Variants in PCNX4 observed in about 807,000 individuals in gnomAD.
The protein encoded by PCNX4 is pecanex 4, also known as pecanex-like protein 4.
In PCNX4, 103 loss-of-function variants were observed where a neutral mutation model predicts 107.2. The observed-to-expected ratio is 0.96, with a 90% CI of 0.82 to 1.13. The LOEUF (loss-of-function observed/expected upper bound fraction) is 1.13. Among genes scored for constraint, PCNX4 ranks in the 50% most tolerant of loss-of-function variants. The pLI, the probability that PCNX4 is intolerant of heterozygous loss-of-function variation, is 0.00. For synonymous variants in PCNX4, 541 were observed against 481.7 expected (o/e 1.12, Z -1.61); for missense variants, 1,528 against 1,379.4 (o/e 1.11, Z -1.71).
At position 60,112,201 on chromosome 14, in the gene PCNX4, ACACT is replaced by A. The variant is rs1253379943; in HGVS notation, c.690-2496_690-2493del. ...ATTAAATCTACAATGCTTAGCTCAG[ACACT>A]CAGGAATTGTTTGAATGAATGATAC... is the stretch of plus-strand genomic sequence containing the variant. On this transcript the variant is annotated intron_variant, in intron 2 of 10. Coordinates refer to ENST00000406854, the MANE Select transcript of PCNX4 (RefSeq NM_001330177.2). Among the ~76,000 whole-genome samples the A allele has an allele frequency of 2.6e-5, 4 of 152,290 alleles. No homozygotes were observed. The East Asian group carries it at 5.8e-4, about 22-fold the overall frequency.
At chr14:60,107,038 C>CT (rs1426379913) in intron 1 of PCNX4, among the ~76,000 whole-genome samples, 1 of 151,968 alleles carries the variant, frequency 6.6e-6, no homozygotes, top group African/African-American at 2.4e-5. Context: ...GAGTTAAAGT[C>CT]TAATTCCAAA....
At chr14:60,120,900 T>C (rs750358578) in intron 7 of PCNX4, among the ~76,000 whole-genome samples, 1 of 152,182 alleles carries the variant, frequency 6.6e-6, no homozygotes, top group Non-Finnish European at 1.5e-5. Context: ...TTTCCTAATA[T>C]AATTAACATG....
At chr14:60,095,844 G>GA (rs1211637252) in intron 1 of PCNX4, among the ~76,000 whole-genome samples, 2 of 151,144 alleles carry the variant, frequency 1.3e-5, no homozygotes, top group East Asian at 3.9e-4. Flanking sequence ...GAAAAAAAAA[G>GA]AAAAAATATA....
Position 60,115,044 on chromosome 14 carries a change from G to T in PCNX4, c.940G>T (p.Val314Leu). 1 of 1,613,626 alleles carries T rather than the reference G, an allele frequency of 6.2e-7. No individual in the cohort carries two copies. The highest frequency in any genetic ancestry group is 1.1e-5 in the South Asian group (1 of 91,066). The change falls in exon 4 of 11, where the codon GTG (valine) becomes TTG (leucine). Residue 314 changes from valine (V) to leucine (L), a missense_variant. Physicochemically the swap from Val to Leu is conservative, Grantham distance 32. Coordinates refer to ENST00000406854, the MANE Select transcript of PCNX4 (RefSeq NM_001330177.2). ...ASYFIPSTVG[V>L]VLFMTGFGFL... Reference sequence around the variant, plus strand: ...ATATTTCATTCCAAGCACTGTTGGTGTGGTTCTTTTCATGACTGGATTTGG... The same window carrying T: ...ATATTTCATTCCAAGCACTGTTGGTTTGGTTCTTTTCATGACTGGATTTGG...
Position 60,118,413 on chromosome 14 carries a change from A to C in PCNX4, c.1663A>C (p.Lys555Gln). 6.2e-7 allele frequency: 1 copy of C among 1,612,920 alleles called. No homozygotes were observed. Among genetic ancestry groups the C allele is most frequent in the Non-Finnish European group, 8.5e-7 (1 of 1,179,404 alleles). ...TGTGCTTTTGACATCATGGACAGAG[A>C]AAAAACAACGTCGAAAAACAACTGC... ...VTVLLTSWTE[K>Q]KQRRKTTATL... Residue 555 changes from lysine (K) to glutamine (Q), a missense_variant, in exon 7 of 11, where the codon AAA becomes CAA. Coordinates refer to ENST00000406854, the MANE Select transcript of PCNX4 (RefSeq NM_001330177.2).
At chr14:60,101,899 TA>T (rs1448078436) in intron 1 of PCNX4, among the ~76,000 whole-genome samples, 1 of 152,078 alleles carries the variant, frequency 6.6e-6, no homozygotes, top group Non-Finnish European at 1.5e-5. Flanking sequence ...TATTCAGCCT[TA>T]AAAAAAGGAA....
rs1210174321 is a variant in PCNX4 at position 60,138,920 on chromosome 14, CAGAA to C, written c.*4704_*4707del. On this transcript the variant is annotated 3_prime_UTR_variant, in exon 11 of 11. Transcript: ENST00000406854. Reference sequence around the variant, plus strand: ...GCAGGAATTCTAAGGTCAGAATTATCAGAAAGAAGATTAAAGTATAAATAAGACT... The same window carrying C: ...GCAGGAATTCTAAGGTCAGAATTATCAGAAGATTAAAGTATAAATAAGACT... 8 of 151,936 alleles carry C rather than the reference CAGAA, an allele frequency of 5.3e-5. No homozygotes were observed. Among genetic ancestry groups the C allele is most frequent in the South Asian group, 2.1e-4 (1 of 4,812 alleles). 9.4% of individuals were successfully genotyped at this position (151,936 alleles called of 1,614,324 possible).
rs944994971 is a variant in PCNX4, at chr14:60,146,858, A to G, written c.*12637A>G. 5 of 152,216 alleles carry G rather than the reference A, an allele frequency of 3.3e-5. No individual in the cohort carries two copies. Among genetic ancestry groups the G allele is most frequent in the African/African-American group, 1.2e-4 (5 of 41,450 alleles). The allele number at this position is 152,216 out of a possible 1,614,324, so 9.4% of individuals were successfully genotyped here. ...TGTGATTTCACTTCTGTGGAATCTA[A>G]AAAGTCATACTCAAAAGCAGAGTAG... On this transcript the variant is annotated 3_prime_UTR_variant, in exon 11 of 11. Coordinates refer to ENST00000406854, the MANE Select transcript of PCNX4 (RefSeq NM_001330177.2). The surrounding 1 kb of genome is among the most constrained non-coding windows in gnomAD (Gnocchi z 4.9).
Position 60,124,276 on chromosome 14 carries a change from T to C in PCNX4, c.2105T>C (p.Val702Ala), listed in dbSNP as rs1408670407. ...HTAEARRVDEVFEDAFEQEYT... is the reference protein window; with the variant it reads ...HTAEARRVDEAFEDAFEQEYT... ...GCAGAAGCTCGCAGAGTTGATGAAGTTTTTGAAGATGCTTTTGAGCAAGAA... is the reference window on the plus strand; with the variant it reads ...GCAGAAGCTCGCAGAGTTGATGAAGCTTTTGAAGATGCTTTTGAGCAAGAA... The change falls in exon 9 of 11, where the codon GTT (valine) becomes GCT (alanine). Residue 702 changes from valine (V) to alanine (A), a missense_variant. Transcript: ENST00000406854. The C allele has an allele frequency of 5.0e-6, 8 of 1,605,964 alleles. No individual in the cohort carries two copies. The East Asian group carries it at 1.6e-4, about 31-fold the overall frequency.
Position 60,146,683 on chromosome 14 carries a change from G to GTA in PCNX4, c.*12463_*12464insAT, listed in dbSNP as rs201487776. 441 of 136,320 alleles carry GTA rather than the reference G, an allele frequency of 3.2e-3. 3 individuals are homozygous for GTA. The highest frequency in any genetic ancestry group is 0.014 in the African/African-American group (423 of 30,126). The allele number at this position is 136,320 out of a possible 1,614,324, so 8.4% of individuals were successfully genotyped here. A position where few individuals can be genotyped will look rare whatever the true frequency, so the allele number is the denominator to read the frequency against. On this transcript the variant is annotated 3_prime_UTR_variant, in exon 11 of 11. Transcript: ENST00000406854. The surrounding 1 kb of genome is among the most constrained non-coding windows in gnomAD (Gnocchi z 4.9). The stretch of plus-strand genomic sequence containing the variant: ...ATAAAGAAAATGTGTGTGTGTGTCT[G>GTA]TGTGTGTATATATATATATGGAATA...
chr14:60,126,278 CTT>C (rs1034785726), intron 10 of PCNX4: 3 of 152,250 alleles, frequency 2.0e-5, no homozygotes, highest in African/African-American at 7.2e-5. Flanking sequence ...GGGGATGACT[CTT>C]TAAGATTTAG....
chr14:60,102,138 G>A (rs1324904370), intron 1 of PCNX4, among the ~76,000 whole-genome samples: 1 of 152,160 alleles, frequency 6.6e-6, no homozygotes, highest in African/African-American at 2.4e-5. Flanking sequence ...ACAAGTTCTA[G>A]AGATCTGTTC....
chr14:60,125,772 A>G lies in PCNX4; in HGVS notation c.3216A>G (p.Ala1072=), dbSNP rs1326175331. Residue 1072 remains alanine, a synonymous_variant, in exon 10 of 11, where the codon GCA becomes GCG. Coordinates refer to ENST00000406854, the MANE Select transcript of PCNX4 (RefSeq NM_001330177.2). ...GLVSDEKWKE[A]ILQEKPYLFS... ...TATCTGATGAAAAGTGGAAGGAAGC[A>G]ATTTTACAAGAAAAGCCATACTTGT... 2.5e-6 allele frequency: 4 copies of G among 1,611,592 alleles called. No individual in the cohort carries two copies. Among genetic ancestry groups the G allele is most frequent in the Non-Finnish European group, 3.4e-6 (4 of 1,178,942 alleles).
rs1165495555 is a variant in PCNX4, at chr14:60,139,340, T to C, written c.*5119T>C. On this transcript the variant is annotated 3_prime_UTR_variant, in exon 11 of 11. Coordinates refer to ENST00000406854, the MANE Select transcript of PCNX4 (RefSeq NM_001330177.2). Reference sequence around the variant, plus strand: ...ACTATGGTGGCTATTGCAACATTATTCAATGTAGACCTTAAGGTGAAAAGT... The same window carrying C: ...ACTATGGTGGCTATTGCAACATTATCCAATGTAGACCTTAAGGTGAAAAGT... 2.6e-5 allele frequency: 4 copies of C among 152,090 alleles called. No homozygotes were observed. The East Asian group carries it at 7.7e-4, about 29-fold the overall frequency. 9.4% of individuals were successfully genotyped at this position (152,090 alleles called of 1,614,324 possible). A position where few individuals can be genotyped will look rare whatever the true frequency, so the allele number is the denominator to read the frequency against.
At position 60,107,749 on chromosome 14, in the gene PCNX4, T is replaced by C; in HGVS notation, c.111T>C (p.Pro37=). 1 of 1,612,688 alleles carries C rather than the reference T, an allele frequency of 6.2e-7. No homozygotes were observed. Among genetic ancestry groups the C allele is most frequent in the Non-Finnish European group, 8.5e-7 (1 of 1,179,746 alleles). The change falls in exon 2 of 11, where the codon CCT becomes CCC. Residue 37 remains proline, a synonymous_variant. Transcript: ENST00000406854. ...GATTCAAATTAGGCTATTGTGCCCC[T>C]CCTTACATATATGTTAATCAAATTA... The part of the protein sequence containing the change: ...GPRFKLGYCA[P]PYIYVNQIIL...
chr14:60,092,407 C>G lies in PCNX4; in HGVS notation c.-66C>G, dbSNP rs897857077. The G allele has an allele frequency of 6.6e-6, 1 of 152,324 alleles. No individual in the cohort carries two copies. The highest frequency in any genetic ancestry group is 1.5e-5 in the Non-Finnish European group (1 of 68,090). The allele number at this position is 152,324 out of a possible 1,614,324, so 9.4% of individuals were successfully genotyped here. On this transcript the variant is annotated 5_prime_UTR_variant, in exon 1 of 11. Transcript: ENST00000406854. ...GATGCCTTCGCGTCTTCTCTTCCCT[C>G]GGGTGACTTGAGGTACGTTCGTTGT...
intron 1 of PCNX4, among the ~76,000 whole-genome samples, chr14:60,102,241 T>A (rs188473534): frequency 8.2e-4 from 125 of 151,958 alleles, no homozygotes; most frequent in Middle Eastern, 6.8e-3. Flanking sequence ...CAATGAAAAA[T>A]CAAAATCCTA....
intron 1 of PCNX4, among the ~76,000 whole-genome samples, chr14:60,107,180 A>C (rs1895644755): frequency 6.6e-6 from 1 of 152,196 alleles, no homozygotes; most frequent in Non-Finnish European, 1.5e-5. Flanking sequence ...CCAGATACCC[A>C]AGACCAGCCT....
chr14:60,130,652 T>C (rs1245070714), intron 10 of PCNX4, among the ~76,000 whole-genome samples: 3 of 152,172 alleles, frequency 2.0e-5, no homozygotes, highest in Non-Finnish European at 4.4e-5. Flanking sequence ...CATGTATTGT[T>C]GGGCCTATAA....
Sources: gnomAD v4.1 joint callset for allele counts (sites outside exome capture counted in the v4.1 genomes callset) on GRCh38, gnomAD v4.1.1 for gene constraint, Gnocchi (gnomAD v3.1) non-coding constraint, MANE v1.5 for transcripts, NCBI Gene and HGNC (gene_info 2026-07-23, HGNC 2026-07-21) for gene names.